The following XKR3 variants were observed in gnomAD, a reference collection of about 807,000 sequenced individuals.
XKR3 encodes the protein XK-related protein 3.
XKR3 carries 27 observed loss-of-function variants against 40.3 expected under a neutral mutation model. The observed-to-expected ratio is 0.67, with a 90% CI of 0.49 to 0.92. XKR3 has a LOEUF of 0.92. Among genes scored for constraint, XKR3 ranks in the 40% least tolerant of loss-of-function variants. The pLI, the probability that XKR3 is intolerant of heterozygous loss-of-function variation, is 0.00. For missense variants in XKR3, 472 were observed against 537.6 expected (o/e 0.88, Z 1.21); for synonymous variants, 193 against 195.4 (o/e 0.99, Z 0.10).
chr22:16,786,256 G>GCACACACACACACA (rs750668264), intron 3 of XKR3, among the ~76,000 whole-genome samples: 50,465 of 148,352 alleles, frequency 0.34, 8,831 homozygotes, highest in Admixed American at 0.38. Context: ...CAAAACGCGT[G>GCACACACACACACA]CACACACACA....
chr22:16,799,924 C>T lies in XKR3; in HGVS notation c.436G>A (p.Glu146Lys), dbSNP rs2060160900. Residue 146 changes from glutamate (E) to lysine (K), a missense_variant, in exon 3 of 4, where the codon GAA becomes AAA. By Grantham distance (56) the Glu-to-Lys change is moderately conservative. Transcript: ENST00000684488. ...CGGATTGAGAATGCAATCTCCCTTT[C>T]CAGCATCGTGTTTCTCTTTGTGATG... ...VSITKRNTML[E>K]REIAFSIRDN... 6.2e-7 allele frequency: 1 copy of T among 1,614,098 alleles called. No homozygotes were observed. Among genetic ancestry groups the T allele is most frequent in the Non-Finnish European group, 8.5e-7 (1 of 1,180,004 alleles).
intron 1 of XKR3, among the ~76,000 whole-genome samples, chr22:16,809,595 T>C (rs988883255): frequency 6.6e-6 from 1 of 152,230 alleles, no homozygotes; most frequent in Admixed American, 6.5e-5. Flanking sequence ...TTGCTAAATG[T>C]AATATGTTAC....
At position 16,783,973 on chromosome 22, in the gene XKR3, G is replaced by A. The variant is rs1360058945; in HGVS notation, c.1026C>T (p.Gly342=). 2 of 1,614,128 alleles carry A rather than the reference G, an allele frequency of 1.2e-6. No homozygotes were observed. The highest frequency in any genetic ancestry group is 1.7e-6 in the Non-Finnish European group (2 of 1,180,030). ...GAAAGCTGTAGTGTAGGATTCTATGGCCCCACCTCTGTCTCCCGTCAATTA... is the reference window on the plus strand; with the variant it reads ...GAAAGCTGTAGTGTAGGATTCTATGACCCCACCTCTGTCTCCCGTCAATTA... ...DKIIDGRQRW[G]HRILHYSFQF... The change falls in exon 4 of 4, where the codon GGC becomes GGT. Residue 342 remains glycine, a synonymous_variant. Transcript: ENST00000684488.
chr22:16,820,539 C>T (rs2060251099), intron 1 of XKR3, among the ~76,000 whole-genome samples: 1 of 152,142 alleles, frequency 6.6e-6, no homozygotes, highest in Non-Finnish European at 1.5e-5. Context: ...GTCTCTGGAG[C>T]TCTCACAAAG....
chr22:16,823,635 G>A (rs899178912), intron 1 of XKR3, among the ~76,000 whole-genome samples: 3 of 152,158 alleles, frequency 2.0e-5, no homozygotes, highest in Non-Finnish European at 4.4e-5. Context: ...TTGCCAATTT[G>A]CAGCATCACA....
chr22:16,796,684 T>A (rs1463056020), intron 3 of XKR3, among the ~76,000 whole-genome samples: 105 of 152,334 alleles, frequency 6.9e-4, no homozygotes, highest in African/African-American at 2.4e-3. Flanking sequence ...AAGAATGTAC[T>A]TGAAATAATA....
At chr22:16,814,656 A>G (rs1324570022) in intron 1 of XKR3, among the ~76,000 whole-genome samples, 1 of 152,108 alleles carries the variant, frequency 6.6e-6, no homozygotes. Context: ...ACAATATTTT[A>G]GAGTTATTAG....
intron 1 of XKR3, among the ~76,000 whole-genome samples, chr22:16,811,927 T>C (rs1340309874): frequency 1.3e-5 from 2 of 151,956 alleles, no homozygotes; most frequent in African/African-American, 4.8e-5. Context: ...GAGAATGGTG[T>C]GAACCCGGGA....
intron 2 of XKR3, among the ~76,000 whole-genome samples, chr22:16,802,375 GA>G (rs969994638): frequency 3.3e-5 from 5 of 151,980 alleles, no homozygotes; most frequent in South Asian, 2.1e-4. Flanking sequence ...CTTCAAAAAG[GA>G]AAAAGAAAGA....
At chr22:16,797,935 A>T (rs1414201429) in intron 3 of XKR3, among the ~76,000 whole-genome samples, 1 of 151,988 alleles carries the variant, frequency 6.6e-6, no homozygotes, top group Non-Finnish European at 1.5e-5. Flanking sequence ...GCACTTTGGG[A>T]GGCTGAGGTG....
intron 3 of XKR3, among the ~76,000 whole-genome samples, chr22:16,797,269 T>G (rs2060145238): frequency 1.3e-5 from 2 of 152,144 alleles, no homozygotes; most frequent in Admixed American, 1.3e-4. Context: ...GGCAAAAAAT[T>G]TTTAGCTAAG....
At chr22:16,822,098 T>C (rs2060259319) in intron 1 of XKR3, among the ~76,000 whole-genome samples, 1 of 152,168 alleles carries the variant, frequency 6.6e-6, no homozygotes, top group South Asian at 2.1e-4. Flanking sequence ...ATGGCAATTT[T>C]GTATGTTAAT....
At chr22:16,824,336 A>G (rs569708254) in intron 1 of XKR3, among the ~76,000 whole-genome samples, 1 of 152,322 alleles carries the variant, frequency 6.6e-6, no homozygotes, top group African/African-American at 2.4e-5. Flanking sequence ...AATAATGTCC[A>G]TTAGGGATAA....
chr22:16,799,697 C>G, intron 3 of XKR3, 74 bp downstream of exon 3: 1 of 1,485,094 alleles, frequency 6.7e-7, no homozygotes, highest in South Asian at 1.4e-5. Flanking sequence ...CATATTTCAA[C>G]TTCTCAATTT....
intron 1 of XKR3, among the ~76,000 whole-genome samples, chr22:16,813,917 T>G (rs753084791): frequency 4.6e-5 from 7 of 152,216 alleles, no homozygotes; most frequent in Non-Finnish European, 8.8e-5. Flanking sequence ...TGTGGTTTGA[T>G]TTTCATTTTT....
chr22:16,818,164 C>T (rs974207775), intron 1 of XKR3, among the ~76,000 whole-genome samples: 9 of 152,098 alleles, frequency 5.9e-5, no homozygotes, highest in Non-Finnish European at 1.0e-4. Context: ...TCTCTGCAAT[C>T]ATACCTCCCC....
intron 3 of XKR3, among the ~76,000 whole-genome samples, chr22:16,798,456 G>A (rs1405921723): frequency 3.9e-5 from 6 of 152,112 alleles, no homozygotes; most frequent in Non-Finnish European, 7.4e-5. Flanking sequence ...TTTCAACCCA[G>A]CAATCCCATT....
At chr22:16,805,502 A>C (rs1348352472) in intron 2 of XKR3, among the ~76,000 whole-genome samples, 2 of 152,274 alleles carry the variant, frequency 1.3e-5, no homozygotes, top group African/African-American at 4.8e-5. Flanking sequence ...TACTCCCCAA[A>C]CTTATCTACA....
chr22:16,815,606 A>C (rs980404477), intron 1 of XKR3, among the ~76,000 whole-genome samples: 4 of 152,022 alleles, frequency 2.6e-5, no homozygotes, highest in African/African-American at 7.2e-5. Context: ...TTTCTTGGTA[A>C]GTAGAAGGTA....
Sources: gnomAD v4.1 joint callset for allele counts (sites outside exome capture counted in the v4.1 genomes callset) on GRCh38, gnomAD v4.1.1 for gene constraint, MANE v1.5 for transcripts, NCBI Gene and HGNC (gene_info 2026-07-23, HGNC 2026-07-21) for gene names.